Variants in TOP1MT observed in about 807,000 individuals in gnomAD.
TOP1MT encodes DNA topoisomerase I, mitochondrial.
In TOP1MT, 80 loss-of-function variants were observed where a neutral mutation model predicts 73.9. That is an observed-to-expected ratio of 1.08 (90% CI 0.90 to 1.30). TOP1MT has a LOEUF of 1.30. Among genes scored for constraint, TOP1MT ranks in the 50% most tolerant of loss-of-function variants. The pLI is 0.00. For missense variants in TOP1MT, 815 were observed against 808.0 expected (o/e 1.01, Z -0.10); for synonymous variants, 338 against 326.4 (o/e 1.04, Z -0.38).
upstream of TOP1MT, among the ~76,000 whole-genome samples, chr8:143,337,940 C>T (rs945699455): frequency 2.0e-5 from 3 of 152,234 alleles, no homozygotes; most frequent in Middle Eastern, 6.8e-3. Flanking sequence ...TGCATGCGGC[C>T]CCAGTTACGT....
rs557509735 is a variant in TOP1MT, at chr8:143,342,069, C to T, written c.29+1151G>A. Among the ~76,000 whole-genome samples the T allele has an allele frequency of 3.0e-4, 39 of 129,982 alleles. No homozygotes were observed. In the East Asian group the frequency reaches 6.0e-3, roughly 20 times the overall value. The allele number at this position is 129,982 out of a possible 152,430, so 85.3% of individuals were successfully genotyped here. A position where few individuals can be genotyped will look rare whatever the true frequency, so the allele number is the denominator to read the frequency against. ...ATTATTATTATTAGAGACAGAGTCTCGCTCTGTTATTATTATTATTAGAGT... is the reference window on the plus strand; with the variant it reads ...ATTATTATTATTAGAGACAGAGTCTTGCTCTGTTATTATTATTATTAGAGT... On this transcript the variant is annotated intron_variant, in intron 2 of 5. Transcript: ENST00000518007.
At chr8:143,309,743 C>T (rs1258157483) in intron 13 of TOP1MT, 200 bp from the exon 14 acceptor site, 1 of 1,532,882 alleles carries the variant, frequency 6.5e-7, no homozygotes, top group Non-Finnish European at 8.7e-7. Context: ...TCAAAGACAA[C>T]CTGCTGTGGC....
rs770598812 is a variant in TOP1MT, at chr8:143,316,073, C to T, written c.1384G>A (p.Val462Met). Residue 462 changes from valine (V) to methionine (M), a missense_variant, in exon 11 of 14, where the codon GTG becomes ATG. By Grantham distance (21) the Val-to-Met change is conservative. Transcript: ENST00000329245. ...ILSYNRANRVVAILCNHQRAT... is the reference protein window; with the variant it reads ...ILSYNRANRVMAILCNHQRAT... ...CGCTGATGGTTGCAGAGAATGGCCA[C>T]GACTCGGTTGGCTCGGTTGTAGGAT... 9.9e-6 allele frequency: 16 copies of T among 1,614,172 alleles called. No homozygotes were observed. Among genetic ancestry groups the T allele is most frequent in the Middle Eastern group, 3.3e-4 (2 of 6,062 alleles).
At position 143,318,025 on chromosome 8, in the gene TOP1MT, C is replaced by G. The variant is rs1000721911; in HGVS notation, c.1208G>C (p.Arg403Thr). The G allele has an allele frequency of 1.2e-6, 2 of 1,614,068 alleles. No homozygotes were observed. The highest frequency in any genetic ancestry group is 1.3e-5 in the African/African-American group (1 of 74,932). ...NKDPRDDLFD[R>T]LTTTSLNKHL... is the part of the protein sequence containing the mutation. ...AAACACGAGCCGGCTTACGGTCAGC[C>G]TGTCGAAGAGGTCGTCCCGGGGGTC... is the stretch of plus-strand genomic sequence containing the variant. Residue 403 changes from arginine to threonine, a missense_variant, in exon 9 of 14, where the codon AGG (arginine) becomes ACG (threonine). Arg to Thr is a moderately conservative substitution (Grantham distance 71, BLOSUM62 -1). Coordinates refer to ENST00000329245, the MANE Select transcript of TOP1MT (RefSeq NM_052963.3).
intron 3 of TOP1MT, among the ~76,000 whole-genome samples, 176 bp downstream of exon 3, chr8:143,329,174 G>A (rs1816784041): frequency 6.6e-6 from 1 of 152,168 alleles, no homozygotes; most frequent in Admixed American, 6.5e-5. Flanking sequence ...GGCCGAGACA[G>A]GAGGATGGCT....
chr8:143,315,844 G>A, intron 11 of TOP1MT, 23 bp from the exon 12 acceptor site: 1 of 1,611,746 alleles, frequency 6.2e-7, no homozygotes, highest in East Asian at 2.2e-5. Flanking sequence ...GGTCCAGACA[G>A]GGCTGCCCCT....
upstream of TOP1MT, among the ~76,000 whole-genome samples, chr8:143,335,047 C>T (rs1816959456): frequency 6.6e-6 from 1 of 152,262 alleles, no homozygotes; most frequent in South Asian, 2.1e-4. Context: ...TGCCGGCCTC[C>T]CCCTGGTTTC....
intron 1 of TOP1MT, 142 bp downstream of exon 1, chr8:143,334,598 G>T (rs1256034764): frequency 1.7e-6 from 2 of 1,210,158 alleles, no homozygotes; most frequent in African/African-American, 1.6e-5. Flanking sequence ...GTCACACCGC[G>T]GCACGCATGC....
At chr8:143,334,593 A>T in intron 1 of TOP1MT, 147 bp downstream of exon 1, 1 of 1,171,334 alleles carries the variant, frequency 8.5e-7, no homozygotes, top group African/African-American at 1.6e-5. Context: ...GGCCGGTCAC[A>T]CCGCGGCACG....
rs766881254 is a variant in TOP1MT at position 143,318,125 on chromosome 8, C to A, written c.1147-39G>T. On this transcript the variant is annotated intron_variant, in intron 8 of 13. Coordinates refer to ENST00000329245, the MANE Select transcript of TOP1MT (RefSeq NM_052963.3). The stretch of plus-strand genomic sequence containing the variant: ...AAGGAATTTCAGAGGACAGAAAAAA[C>A]CCGAATCCAGTGAGGACCTGAAGGG... 1.6e-5 allele frequency: 25 copies of A among 1,603,452 alleles called. No individual in the cohort carries two copies. In the South Asian group the frequency reaches 2.5e-4, roughly 16 times the overall value.
chr8:143,347,669 T>C (rs1434611553), upstream of TOP1MT, among the ~76,000 whole-genome samples: 3 of 149,612 alleles, frequency 2.0e-5, no homozygotes, highest in African/African-American at 5.0e-5. Context: ...AGAAGGAACA[T>C]TGAAACCACA....
chr8:143,336,284 C>A (rs1312770954), upstream of TOP1MT, among the ~76,000 whole-genome samples: 1 of 152,140 alleles, frequency 6.6e-6, no homozygotes, highest in African/African-American at 2.4e-5. Context: ...TGAGCCGATG[C>A]CCAGTTGGTT....
chr8:143,354,024 T>C (rs1817365427), intron 1 of TOP1MT, among the ~76,000 whole-genome samples: 1 of 142,268 alleles, frequency 7.0e-6, no homozygotes, highest in Non-Finnish European at 1.5e-5. Flanking sequence ...AACATGAAAT[T>C]ACCACAGGAG....
upstream of TOP1MT, among the ~76,000 whole-genome samples, chr8:143,337,660 T>G (rs2130383539): frequency 6.6e-6 from 1 of 152,316 alleles, no homozygotes; most frequent in South Asian, 2.1e-4. Flanking sequence ...GATTTTTAAA[T>G]TAGCCAGGCA....
At chr8:143,332,989 G>A (rs1816900648) in intron 1 of TOP1MT, among the ~76,000 whole-genome samples, 1 of 152,222 alleles carries the variant, frequency 6.6e-6, no homozygotes. Flanking sequence ...AGGAGTTCAA[G>A]AGAGCCCACC....
chr8:143,343,449 G>A (rs73717531), intron 1 of TOP1MT: 264 of 349,232 alleles, frequency 7.6e-4, no homozygotes, highest in African/African-American at 4.0e-3. Flanking sequence ...GGTGACCCAC[G>A]TGCTGGGCAT....
upstream of TOP1MT, among the ~76,000 whole-genome samples, chr8:143,356,932 A>T (rs1336866557): frequency 6.6e-6 from 1 of 151,738 alleles, no homozygotes; most frequent in Non-Finnish European, 1.5e-5. Flanking sequence ...TCTCTACTAA[A>T]AAATAGAAAA....
Position 143,332,841 on chromosome 8 carries a change from G to GA in TOP1MT, c.123-1503dup, listed in dbSNP as rs563616035. On this transcript the variant is annotated intron_variant, in intron 1 of 13. Coordinates refer to ENST00000329245, the MANE Select transcript of TOP1MT (RefSeq NM_052963.3). ...TCAAGGCCAGCCTGGCCAACATGGC[G>GA]AAAGTACAAAAAAACTAGCTGGCAG... Among the ~76,000 whole-genome samples, 155 of 151,448 alleles carry GA rather than the reference G, an allele frequency of 1.0e-3. 1 individual carries two copies. Among genetic ancestry groups the GA allele is most frequent in the African/African-American group, 3.6e-3 (148 of 41,294 alleles).
chr8:143,325,970 G>A (rs967605929), intron 4 of TOP1MT, among the ~76,000 whole-genome samples: 50 of 152,200 alleles, frequency 3.3e-4, no homozygotes, highest in African/African-American at 8.7e-4. Context: ...CTCAGCCCAC[G>A]GCCCGTCTGG....
Sources: gnomAD v4.1 joint callset for allele counts (sites outside exome capture counted in the v4.1 genomes callset) on GRCh38, gnomAD v4.1.1 for gene constraint, MANE v1.5 for transcripts, NCBI Gene and HGNC (gene_info 2026-07-23, HGNC 2026-07-21) for gene names.